Variants in HAPLN1 observed in about 807,000 individuals in gnomAD.
HAPLN1 encodes Cartilage link protein.
HAPLN1 carries 13 observed loss-of-function variants against 36.5 expected under a neutral mutation model. The ratio of observed to expected loss-of-function variants is 0.36; its 90% CI spans 0.23 to 0.57. The LOEUF (loss-of-function observed/expected upper bound fraction) is 0.57, where lower values mean the gene tolerates loss of function less well. Ranked by LOEUF, HAPLN1 falls within the 20% of genes least tolerant of loss-of-function variation. The pLI, the probability that HAPLN1 is intolerant of heterozygous loss-of-function variation, is 0.83. For missense variants in HAPLN1, 407 were observed against 439.7 expected (o/e 0.93, Z 0.66); for synonymous variants, 202 against 169.8 (o/e 1.19, Z -1.48).
chr5:83,681,951 T>C (rs1433085211), intron 1 of HAPLN1, among the ~76,000 whole-genome samples: 1 of 152,206 alleles, frequency 6.6e-6, no homozygotes, highest in Non-Finnish European at 1.5e-5. Context: ...ACAGGTTTTA[T>C]AATTTGAAAC....
intron 1 of HAPLN1, among the ~76,000 whole-genome samples, chr5:83,717,687 TC>T (rs1414308855): frequency 6.6e-6 from 1 of 152,206 alleles, no homozygotes; most frequent in Non-Finnish European, 1.5e-5. Flanking sequence ...TCTTAATGCT[TC>T]CTTCAAGTGG....
rs144460712 is a variant in HAPLN1 at position 83,697,971 on chromosome 5, T to A, written c.-27+22818A>T. Among the ~76,000 whole-genome samples the A allele has an allele frequency of 6.0e-3, 917 of 152,278 alleles. 10 individuals carry two copies. Among genetic ancestry groups the A allele is most frequent in the African/African-American group, 0.021 (883 of 41,564 alleles). On this transcript the variant is annotated intron_variant, in intron 1 of 4. Coordinates refer to ENST00000274341, the MANE Select transcript of HAPLN1 (RefSeq NM_001884.4). The stretch of plus-strand genomic sequence containing the variant: ...ATTTGCAAATATTTTTCTCCCAATC[T>A]TTTGGGATGTCTTTTTATTTTCTTG...
Position 83,656,593 on chromosome 5 carries a change from G to T in HAPLN1, c.101-3769C>A, listed in dbSNP as rs955920728. On this transcript the variant is annotated intron_variant, in intron 2 of 4. Transcript: ENST00000274341. ...ATAAATGAGGCTGTATGTTGAAATT[G>T]GGGAAATTGAAGATGTCCAGTGGGG... Among the ~76,000 whole-genome samples, 9 of 152,124 alleles carry T rather than the reference G, an allele frequency of 5.9e-5. 1 individual carries two copies. The highest frequency in any genetic ancestry group is 1.9e-4 in the African/African-American group (8 of 41,398).
At chr5:83,691,569 A>C (rs1751274095) in intron 1 of HAPLN1, among the ~76,000 whole-genome samples, 1 of 152,062 alleles carries the variant, frequency 6.6e-6, no homozygotes, top group South Asian at 2.1e-4. Context: ...ACAAAATTTA[A>C]AAGAGTGACC....
In HAPLN1 at chr5:83,640,946, T is replaced by C. The variant is rs1302761274; in HGVS notation, c.*550A>G. ...TTTTTTGGTCAGAAAGGCAGGATTT[T>C]AAAGAGTAAAATATTCTGCCTATTA... On this transcript the variant is annotated 3_prime_UTR_variant, in exon 5 of 5. Transcript: ENST00000274341. 6.6e-6 allele frequency: 1 copy of C among 151,974 alleles called. No individual in the cohort carries two copies. The highest frequency in any genetic ancestry group is 1.5e-5 in the Non-Finnish European group (1 of 67,966). 9.4% of individuals were successfully genotyped at this position (151,974 alleles called of 1,614,324 possible).
chr5:83,711,447 G>GT (rs1751783276), intron 1 of HAPLN1, among the ~76,000 whole-genome samples: 1 of 152,128 alleles, frequency 6.6e-6, no homozygotes, highest in Non-Finnish European at 1.5e-5. Flanking sequence ...AAAAGATTTT[G>GT]TTTTTTGGAT....
chr5:83,690,214 C>T (rs2112619134), intron 1 of HAPLN1, among the ~76,000 whole-genome samples: 1 of 152,096 alleles, frequency 6.6e-6, no homozygotes, highest in African/African-American at 2.4e-5. Context: ...AGACTGTTTC[C>T]CCCCATCAAA....
At chr5:83,646,610 C>G (rs1297686170) in intron 3 of HAPLN1, among the ~76,000 whole-genome samples, 1 of 152,200 alleles carries the variant, frequency 6.6e-6, no homozygotes, top group African/African-American at 2.4e-5. Flanking sequence ...ATTCTGCCTT[C>G]TCAGGTTCTT....
Position 83,639,844 on chromosome 5 carries a change from T to A in HAPLN1, c.*1652A>T, listed in dbSNP as rs1749629765. On this transcript the variant is annotated 3_prime_UTR_variant, in exon 5 of 5. Transcript: ENST00000274341. Reference sequence around the variant, plus strand: ...GTTTTTGATGAAAGAAAGGACCTACTTTTATTACAATATTTTGTCTGAATA... The same window carrying A: ...GTTTTTGATGAAAGAAAGGACCTACATTTATTACAATATTTTGTCTGAATA... 1.3e-5 allele frequency: 2 copies of A among 152,152 alleles called. No individual in the cohort carries two copies. Among genetic ancestry groups the A allele is most frequent in the Admixed American group, 6.5e-5 (1 of 15,278 alleles). The allele number at this position is 152,152 out of a possible 1,614,324, so 9.4% of individuals were successfully genotyped here. A position where few individuals can be genotyped will look rare whatever the true frequency, so the allele number is the denominator to read the frequency against.
chr5:83,653,963 G>A (rs1750146250), intron 2 of HAPLN1, among the ~76,000 whole-genome samples: 1 of 152,240 alleles, frequency 6.6e-6, no homozygotes, highest in Admixed American at 6.5e-5. Flanking sequence ...TACCAAAGCT[G>A]CCCTTCACAC....
chr5:83,675,785 T>C (rs1227194131), intron 1 of HAPLN1, among the ~76,000 whole-genome samples: 1 of 152,192 alleles, frequency 6.6e-6, no homozygotes, highest in African/African-American at 2.4e-5. Context: ...ATAAGCAGCA[T>C]TTTGTCTGCA....
rs1446508952 is a variant in HAPLN1, at chr5:83,662,109, G to T, written c.101-9285C>A. Among the ~76,000 whole-genome samples the T allele has an allele frequency of 2.0e-5, 3 of 151,906 alleles. No homozygotes were observed. In the South Asian group the frequency reaches 6.2e-4, roughly 32 times the overall value. ...GTAGAGATGGGGTTTTGCCATGTTGGCCAGGCTGGTCTTGTACTCCTGGCC... is the reference window on the plus strand; with the variant it reads ...GTAGAGATGGGGTTTTGCCATGTTGTCCAGGCTGGTCTTGTACTCCTGGCC... On this transcript the variant is annotated intron_variant, in intron 2 of 4. Coordinates refer to ENST00000274341, the MANE Select transcript of HAPLN1 (RefSeq NM_001884.4).
At position 83,641,394 on chromosome 5, in the gene HAPLN1, G is replaced by T; in HGVS notation, c.*102C>A. 2 of 1,057,524 alleles carry T rather than the reference G, an allele frequency of 1.9e-6. No homozygotes were observed. The highest frequency in any genetic ancestry group is 2.7e-6 in the Non-Finnish European group (2 of 736,822). 65.5% of individuals were successfully genotyped at this position (1,057,524 alleles called of 1,614,324 possible). ...GACTCTTTACAGTAAGTAAAAAAGGGTTATCACAGTTTTGGTAACTTGCAT... is the reference window on the plus strand; with the variant it reads ...GACTCTTTACAGTAAGTAAAAAAGGTTTATCACAGTTTTGGTAACTTGCAT... On this transcript the variant is annotated 3_prime_UTR_variant, in exon 5 of 5. Coordinates refer to ENST00000274341, the MANE Select transcript of HAPLN1 (RefSeq NM_001884.4).
chr5:83,677,964 G>A (rs1750897182), intron 1 of HAPLN1, among the ~76,000 whole-genome samples: 1 of 152,124 alleles, frequency 6.6e-6, no homozygotes, highest in South Asian at 2.1e-4. Context: ...AAATTCTTGG[G>A]CCCCTGATAC....
intron 4 of HAPLN1, among the ~76,000 whole-genome samples, 163 bp from the exon 5 acceptor site, chr5:83,641,948 G>A (rs539732425): frequency 1.3e-5 from 2 of 152,100 alleles, no homozygotes; most frequent in African/African-American, 2.4e-5. Flanking sequence ...GTGTCCCTAC[G>A]TCACTTCCAT....
At chr5:83,696,954 A>G (rs73133883) in intron 1 of HAPLN1, among the ~76,000 whole-genome samples, 5,101 of 152,220 alleles carry the variant, frequency 0.034, 310 homozygotes, top group African/African-American at 0.12. Context: ...TTTTTAGTAC[A>G]TTCCTCAAGT....
intron 1 of HAPLN1, among the ~76,000 whole-genome samples, chr5:83,718,389 C>T (rs1348012249): frequency 6.6e-6 from 1 of 152,122 alleles, no homozygotes; most frequent in Non-Finnish European, 1.5e-5. Flanking sequence ...TTTGACTTAT[C>T]CACTAGGTGG....
At chr5:83,673,807 C>T in intron 1 of HAPLN1, 1 of 338,814 alleles carries the variant, frequency 3.0e-6, no homozygotes, top group Non-Finnish European at 5.4e-6. Flanking sequence ...AAATTTAAAA[C>T]ACTGTAGTTT....
At chr5:83,679,377 C>T (rs1253217806) in intron 1 of HAPLN1, among the ~76,000 whole-genome samples, 5 of 152,086 alleles carry the variant, frequency 3.3e-5, no homozygotes, top group African/African-American at 7.2e-5. Flanking sequence ...CTTAAATTTA[C>T]GAAAAATTTA....
Sources: allele counts gnomAD v4.1 joint callset (sites outside exome capture counted in the v4.1 genomes callset), GRCh38; gene constraint gnomAD v4.1.1; transcripts MANE v1.5; gene names NCBI Gene and HGNC (gene_info 2026-07-23, HGNC 2026-07-21).